The following KANSL2 variants were observed in gnomAD, a reference collection of about 807,000 sequenced individuals.
The protein encoded by KANSL2 is KAT8 regulatory NSL complex subunit 2.
In KANSL2, 34 loss-of-function variants were observed where a neutral mutation model predicts 55.6. The ratio of observed to expected loss-of-function variants is 0.61; its 90% CI spans 0.46 to 0.81. The LOEUF is 0.81. KANSL2 is among the 40% of genes least tolerant of loss of function. The probability of loss-of-function intolerance (pLI) is 0.00; values close to 1 mark genes in which losing one functional copy is unlikely to be tolerated. For missense variants in KANSL2, 502 were observed against 609.9 expected, an observed-to-expected ratio of 0.82 and a Z score of 1.86; for synonymous variants, 209 against 214.3, an observed-to-expected ratio of 0.98 and a Z score of 0.22.
chr12:48,672,426 TA>T (rs1476775662), intron 4 of KANSL2, among the ~76,000 whole-genome samples: 2,617 of 115,712 alleles, frequency 0.023, 54 homozygotes, highest in African/African-American at 0.049. Context: ...TATATATATA[TA>T]TATATATTTT....
intron 4 of KANSL2, among the ~76,000 whole-genome samples, chr12:48,675,414 T>C (rs1939803487): frequency 6.6e-6 from 1 of 151,996 alleles, no homozygotes; most frequent in Admixed American, 6.6e-5. Context: ...CAAAAATAAA[T>C]ACATAACGGT....
chr12:48,681,037 C>G (rs1195652371), intron 2 of KANSL2, among the ~76,000 whole-genome samples: 1 of 149,354 alleles, frequency 6.7e-6, no homozygotes, highest in African/African-American at 2.5e-5. Flanking sequence ...TCCCAGCACT[C>G]TGGGAGGCCG....
intron 1 of KANSL2, 181 bp from the exon 2 acceptor site, chr12:48,681,822 G>C (rs1267196633): frequency 2.6e-6 from 2 of 755,216 alleles, no homozygotes; most frequent in Non-Finnish European, 4.6e-6. Flanking sequence ...TCCCTTTAGC[G>C]TGTCCCTCCA....
At chr12:48,680,555 T>C (rs1278876470) in intron 2 of KANSL2, among the ~76,000 whole-genome samples, 1 of 152,186 alleles carries the variant, frequency 6.6e-6, no homozygotes, top group Admixed American at 6.5e-5. Flanking sequence ...TGTTTTTGCA[T>C]GGATACCTTT....
chr12:48,656,283 T>G lies in KANSL2; in HGVS notation c.1228-1223A>C, dbSNP rs866015382. ...ACCTGGTTTTTTTTGTTTTGTTTTT[T>G]TTTTTTTTGAGACAGAGTCTCGCTC... is the stretch of plus-strand genomic sequence containing the variant. On this transcript the variant is annotated intron_variant, in intron 8 of 9. Coordinates refer to ENST00000420613, the MANE Select transcript of KANSL2 (RefSeq NM_017822.4). 5.9e-3 allele frequency among the ~76,000 whole-genome samples: 896 copies of G among 151,140 alleles called. 7 individuals carry two copies. The highest frequency in any genetic ancestry group is 0.02 in the African/African-American group (814 of 41,380).
chr12:48,679,330 GATTA>G, intron 3 of KANSL2, 180 bp from the exon 4 acceptor site: 1 of 669,224 alleles, frequency 1.5e-6, no homozygotes, highest in East Asian at 2.7e-5. Flanking sequence ...ACCCAAGTAA[GATTA>G]CTTACAACAT....
intron 7 of KANSL2, among the ~76,000 whole-genome samples, chr12:48,665,167 C>T (rs1939571191): frequency 6.6e-6 from 1 of 152,078 alleles, no homozygotes; most frequent in African/African-American, 2.4e-5. Context: ...TCTTATCAGA[C>T]ATCTGTTGTA....
intron 4 of KANSL2, among the ~76,000 whole-genome samples, chr12:48,674,341 G>A (rs1447870285): frequency 8.6e-5 from 13 of 151,938 alleles, no homozygotes; most frequent in Admixed American, 8.5e-4. Flanking sequence ...GTAGAGATGG[G>A]GTTTCACCAT....
intron 7 of KANSL2, chr12:48,662,556 C>A (rs1294117504): frequency 5.8e-5 from 74 of 1,275,502 alleles, no homozygotes; most frequent in Non-Finnish European, 7.1e-5. Flanking sequence ...AATGGTTAAC[C>A]TACAACTAGA....
Position 48,653,698 on chromosome 12 carries a change from T to TC in KANSL2, c.*345dup. The stretch of plus-strand genomic sequence containing the variant: ...AACCGATATTAGGGCCATCAGTATC[T>TC]CAAAGACACCACTCACAAAGACAGC... On this transcript the variant is annotated 3_prime_UTR_variant, in exon 10 of 10. Coordinates refer to ENST00000420613, the MANE Select transcript of KANSL2 (RefSeq NM_017822.4). The TC allele has an allele frequency of 5.7e-6, 1 of 175,286 alleles. No individual in the cohort carries two copies. 10.9% of individuals were successfully genotyped at this position (175,286 alleles called of 1,614,324 possible).
At chr12:48,680,065 G>C in intron 2 of KANSL2, 1 of 446,360 alleles carries the variant, frequency 2.2e-6, no homozygotes, top group South Asian at 2.6e-5. Context: ...AGCACTTTGG[G>C]AGGCTGAGGC....
intron 6 of KANSL2, 100 bp downstream of exon 6, chr12:48,669,006 T>C: frequency 2.7e-5 from 24 of 898,342 alleles, no homozygotes; most frequent in Non-Finnish European, 3.3e-5. Context: ...ATCGCACCAC[T>C]GCACTCCAGC....
At chr12:48,662,316 G>A (rs2137181397) in intron 7 of KANSL2, among the ~76,000 whole-genome samples, 1 of 152,282 alleles carries the variant, frequency 6.6e-6, no homozygotes, top group East Asian at 1.9e-4. Flanking sequence ...TGTTGGCCAG[G>A]CTGGTCTCTA....
chr12:48,675,517 TAG>T (rs1412131349), intron 4 of KANSL2, among the ~76,000 whole-genome samples: 3 of 152,218 alleles, frequency 2.0e-5, no homozygotes, highest in Non-Finnish European at 4.4e-5. Context: ...TAACCTAATA[TAG>T]AGTTTGTTAA....
Position 48,679,678 on chromosome 12 carries a change from C to T in KANSL2, c.407G>A (p.Arg136His), listed in dbSNP as rs752747162. The T allele has an allele frequency of 4.3e-6, 7 of 1,613,474 alleles. No homozygotes were observed. The highest frequency in any genetic ancestry group is 1.7e-5 in the Admixed American group (1 of 59,904). The part of the protein sequence containing the change: ...ELGSQTPESS[R>H]SEASRILDED... ...ACCTAGTATTCGGCTGGCTTCACTGCGACTACTTTCTGGAGTCTGAGACCC... is the reference window on the plus strand; with the variant it reads ...ACCTAGTATTCGGCTGGCTTCACTGTGACTACTTTCTGGAGTCTGAGACCC... The change falls in exon 3 of 10, where the codon CGC (arginine) becomes CAC (histidine). Residue 136 changes from arginine to histidine, a missense_variant. Coordinates refer to ENST00000420613, the MANE Select transcript of KANSL2 (RefSeq NM_017822.4).
chr12:48,660,713 C>G, intron 7 of KANSL2, 94 bp from the exon 8 acceptor site: 1 of 1,237,794 alleles, frequency 8.1e-7, no homozygotes, highest in Non-Finnish European at 1.1e-6. Flanking sequence ...AAGGTGTGGA[C>G]TATATAAGAT....
chr12:48,668,783 T>C (rs542529176), intron 6 of KANSL2, among the ~76,000 whole-genome samples: 14 of 152,322 alleles, frequency 9.2e-5, no homozygotes, highest in African/African-American at 3.4e-4. Context: ...GGCTCATGTC[T>C]GCAATCCCAA....
intron 2 of KANSL2, among the ~76,000 whole-genome samples, chr12:48,680,522 T>TA (rs1171644374): frequency 6.6e-6 from 1 of 152,138 alleles, no homozygotes; most frequent in Non-Finnish European, 1.5e-5. Flanking sequence ...ATAAGATACG[T>TA]AAAAAATTAT....
chr12:48,680,063 G>T, intron 2 of KANSL2: 1 of 446,196 alleles, frequency 2.2e-6, no homozygotes, highest in Non-Finnish European at 4.1e-6. Flanking sequence ...CCAGCACTTT[G>T]GGAGGCTGAG....
Sources: gnomAD v4.1 joint callset for allele counts (sites outside exome capture counted in the v4.1 genomes callset) on GRCh38, gnomAD v4.1.1 for gene constraint, MANE v1.5 for transcripts, NCBI Gene and HGNC (gene_info 2026-07-23, HGNC 2026-07-21) for gene names.